The following PLCXD1 variants were observed in gnomAD, a reference collection of about 807,000 sequenced individuals.
PLCXD1 encodes phosphatidylinositol specific phospholipase C X domain containing 1, also known as PI-PLC X domain-containing protein 1.
PLCXD1 carries 45 observed loss-of-function variants against 37.8 expected under a neutral mutation model. The ratio of observed to expected loss-of-function variants is 1.19; its 90% CI spans 0.94 to 1.53. The LOEUF is 1.53. Ranked by LOEUF, PLCXD1 falls within the 40% of genes most tolerant of loss-of-function variation. The pLI is 0.00. For synonymous variants in PLCXD1, 246 were observed against 206.9 expected (o/e 1.19, Z -1.62); for missense variants, 539 against 454.7 (o/e 1.19, Z -1.69).
In PLCXD1 at chrX:299,122, C is replaced by A. The variant is rs772577339; in HGVS notation, c.759C>A (p.Asn253Lys). The A allele has an allele frequency of 3.7e-6, 6 of 1,613,738 alleles. No individual in the cohort carries two copies. The highest frequency in any genetic ancestry group is 5.1e-6 in the Non-Finnish European group (6 of 1,179,790). Residue 253 changes from asparagine to lysine, a missense_variant, in exon 7 of 7, where the codon AAC (asparagine) becomes AAA (lysine). Asn to Lys is a moderately conservative substitution (Grantham distance 94). Coordinates refer to ENST00000381657, the MANE Select transcript of PLCXD1 (RefSeq NM_018390.4). Reference sequence around the variant, plus strand: ...GAGGGTTGTTCGTGGCCGGCATCAACCTCACGGAGAACCTGCAGTACGTTC... The same window carrying A: ...GAGGGTTGTTCGTGGCCGGCATCAAACTCACGGAGAACCTGCAGTACGTTC... ...RPGGLFVAGI[N>K]LTENLQYVLA...
chrX:281,909 G>A (rs1381631611), intron 1 of PLCXD1, among the ~76,000 whole-genome samples: 1 of 152,038 alleles, frequency 6.6e-6, no homozygotes, highest in Non-Finnish European at 1.5e-5. Context: ...CACCACGGCC[G>A]GCTACTTTTT....
chrX:285,511 G>A (rs1357390802), intron 2 of PLCXD1, among the ~76,000 whole-genome samples: 8 of 151,920 alleles, frequency 5.3e-5, no homozygotes. Context: ...TGCAATGCAT[G>A]TATACACGTG....
At chrX:288,113 C>A (rs1316577154) in intron 2 of PLCXD1, among the ~76,000 whole-genome samples, 1 of 150,690 alleles carries the variant, frequency 6.6e-6, no homozygotes, top group Non-Finnish European at 1.5e-5. Flanking sequence ...TCTGTGTCTC[C>A]TAAGGACACC....
chrX:292,258 A>C (rs2069661048), intron 5 of PLCXD1, among the ~76,000 whole-genome samples: 2 of 151,992 alleles, frequency 1.3e-5, no homozygotes, highest in Admixed American at 6.6e-5. Context: ...CATCGAGACC[A>C]TCCTGGCTAA....
In PLCXD1 at chrX:300,483, T is replaced by C. The variant is rs1245480341; in HGVS notation, c.*1148T>C. On this transcript the variant is annotated 3_prime_UTR_variant, in exon 7 of 7. Transcript: ENST00000381657. Reference sequence around the variant, plus strand: ...GTATATGTGTGTGTGTGTGTGTATATGTGTGTATGTGTGTATATATGTATA... The same window carrying C: ...GTATATGTGTGTGTGTGTGTGTATACGTGTGTATGTGTGTATATATGTATA... 2 of 121,480 alleles carry C rather than the reference T, an allele frequency of 1.6e-5. No individual in the cohort carries two copies. The highest frequency in any genetic ancestry group is 3.7e-5 in the Non-Finnish European group (2 of 54,502). 7.5% of individuals were successfully genotyped at this position (121,480 alleles called of 1,614,324 possible).
chrX:295,045 C>T (rs777043422), intron 6 of PLCXD1, among the ~76,000 whole-genome samples: 1 of 151,594 alleles, frequency 6.6e-6, no homozygotes, highest in South Asian at 2.1e-4. Context: ...TTGTGTGCAC[C>T]TGTAATCCCA....
At chrX:298,958 T>C in intron 6 of PLCXD1, 139 bp from the exon 7 acceptor site, 1 of 699,836 alleles carries the variant, frequency 1.4e-6, no homozygotes, top group Non-Finnish European at 2.6e-6. Flanking sequence ...TAAGCAAAGC[T>C]CACCCAATTT....
chrX:282,703 CAAAAA>C (rs34034222), intron 1 of PLCXD1, among the ~76,000 whole-genome samples: 5 of 109,508 alleles, frequency 4.6e-5, no homozygotes, highest in African/African-American at 1.7e-4. Flanking sequence ...GAAACTGTGT[CAAAAA>C]AAAAAAAAAA....
chrX:287,468 T>G (rs780664872), intron 2 of PLCXD1, among the ~76,000 whole-genome samples: 13,537 of 128,190 alleles, frequency 0.11, 798 homozygotes, highest in African/African-American at 0.18. Flanking sequence ...ATATAGAATA[T>G]ATACTATATA....
At chrX:287,231 T>A in intron 2 of PLCXD1, among the ~76,000 whole-genome samples, 1 of 143,304 alleles carries the variant, frequency 7.0e-6, no homozygotes, top group South Asian at 2.1e-4. Context: ...ATATTTATAT[T>A]TATATATAAT....
intron 6 of PLCXD1, among the ~76,000 whole-genome samples, chrX:296,851 G>A (rs1197643590): frequency 6.7e-6 from 1 of 149,952 alleles, no homozygotes; most frequent in Non-Finnish European, 1.5e-5. Context: ...GGATTAGGAC[G>A]TGGACATCTT....
intron 3 of PLCXD1, among the ~76,000 whole-genome samples, chrX:289,277 T>C (rs938906036): frequency 2.6e-4 from 40 of 151,920 alleles, no homozygotes; most frequent in Non-Finnish European, 5.4e-4. Context: ...TTAGTAGAGA[T>C]GGGGTTTTAC....
At chrX:298,948 T>A in intron 6 of PLCXD1, 149 bp from the exon 7 acceptor site, 1 of 673,822 alleles carries the variant, frequency 1.5e-6, no homozygotes, top group South Asian at 1.8e-5. Flanking sequence ...CCACGCTTTA[T>A]AAGCAAAGCT....
At chrX:280,312 G>T (rs1204345655), upstream of PLCXD1, among the ~76,000 whole-genome samples, 1 of 133,896 alleles carries the variant, frequency 7.5e-6, no homozygotes, top group Non-Finnish European at 1.6e-5. Context: ...CCGTGCAGGG[G>T]GAAGGGAGGC....
In PLCXD1 at chrX:299,198, C is replaced by A; in HGVS notation, c.835C>A (p.Arg279=). Residue 279 remains arginine (R), a synonymous_variant, in exon 7 of 7, where the codon CGG becomes AGG. Coordinates refer to ENST00000381657, the MANE Select transcript of PLCXD1 (RefSeq NM_018390.4). The part of the protein sequence containing the change: ...LEKMTLPNLP[R]LSAWVREQCP... ...GAAGATGACGCTGCCCAACCTTCCGCGGCTGAGCGCGTGGGTCCGAGAGCA... is the reference window on the plus strand; with the variant it reads ...GAAGATGACGCTGCCCAACCTTCCGAGGCTGAGCGCGTGGGTCCGAGAGCA... The A allele has an allele frequency of 6.2e-7, 1 of 1,613,878 alleles. No homozygotes were observed. Among genetic ancestry groups the A allele is most frequent in the East Asian group, 2.2e-5 (1 of 44,878 alleles).
intron 2 of PLCXD1, 54 bp downstream of exon 2, chrX:284,368 TG>T: frequency 6.2e-7 from 1 of 1,602,900 alleles, no homozygotes; most frequent in Non-Finnish European, 8.5e-7. Context: ...GACGGCAGGG[TG>T]GGGCGGGAGC....
chrX:284,693 T>G (rs1435602441), intron 2 of PLCXD1, among the ~76,000 whole-genome samples: 2 of 152,016 alleles, frequency 1.3e-5, no homozygotes, highest in Non-Finnish European at 2.9e-5. Flanking sequence ...CATACGCATG[T>G]GCATACTGTG....
At chrX:285,811 A>G (rs1228453644) in intron 2 of PLCXD1, among the ~76,000 whole-genome samples, 1 of 152,166 alleles carries the variant, frequency 6.6e-6, no homozygotes, top group East Asian at 1.9e-4. Context: ...CAAAATTAAT[A>G]TAAGTAGGGG....
At chrX:289,432 G>A (rs2069557369) in intron 3 of PLCXD1, among the ~76,000 whole-genome samples, 1 of 151,626 alleles carries the variant, frequency 6.6e-6, no homozygotes. Flanking sequence ...GAGCATCGCA[G>A]GCCTCCACTG....
Sources: allele counts gnomAD v4.1 joint callset (sites outside exome capture counted in the v4.1 genomes callset), GRCh38; gene constraint gnomAD v4.1.1; transcripts MANE v1.5; gene names NCBI Gene and HGNC (gene_info 2026-07-23, HGNC 2026-07-21).